Variants in ZNF618 observed in about 807,000 individuals in gnomAD.
ZNF618 encodes zinc finger protein 618.
In ZNF618, 34 loss-of-function variants were observed where a neutral mutation model predicts 103.0. That is an observed-to-expected ratio of 0.33 (90% CI 0.25 to 0.44). ZNF618 has a LOEUF of 0.44. Ranked by LOEUF, ZNF618 falls within the 20% of genes least tolerant of loss-of-function variation. The probability of loss-of-function intolerance (pLI) is 1.00; values close to 1 mark genes in which losing one functional copy is unlikely to be tolerated. For missense variants in ZNF618, 1,059 were observed against 1,295.4 expected (o/e 0.82, Z 2.80); for synonymous variants, 551 against 542.2 (o/e 1.02, Z -0.23).
intron 1 of ZNF618, among the ~76,000 whole-genome samples, chr9:113,898,145 GCTT>G (rs1195888796): frequency 1.3e-5 from 2 of 152,122 alleles, no homozygotes; most frequent in African/African-American, 4.8e-5. Flanking sequence ...CATTCCTAGA[GCTT>G]CTCTTTCTGT....
chr9:113,880,851 G>A (rs1214918631), intron 1 of ZNF618, among the ~76,000 whole-genome samples: 1 of 152,180 alleles, frequency 6.6e-6, no homozygotes, highest in African/African-American at 2.4e-5. Flanking sequence ...ATGATGTGCT[G>A]CAGGTATACT....
At chr9:114,003,641 G>A (rs1456587251) in intron 6 of ZNF618, among the ~76,000 whole-genome samples, 1 of 152,226 alleles carries the variant, frequency 6.6e-6, no homozygotes, top group African/African-American at 2.4e-5. Flanking sequence ...TAGAGAAAGG[G>A]CAAAAGCAGC....
At chr9:113,915,736 G>A (rs1832009826) in intron 1 of ZNF618, among the ~76,000 whole-genome samples, 1 of 152,006 alleles carries the variant, frequency 6.6e-6, no homozygotes, top group African/African-American at 2.4e-5. Context: ...AAAGGAGGGA[G>A]GGATAGAGAG....
chr9:113,910,140 C>T (rs771992946), intron 1 of ZNF618, among the ~76,000 whole-genome samples: 1 of 152,068 alleles, frequency 6.6e-6, no homozygotes, highest in Non-Finnish European at 1.5e-5. Flanking sequence ...CCCTGCTATA[C>T]TAAATGGCTC....
intron 11 of ZNF618, among the ~76,000 whole-genome samples, chr9:114,029,492 C>T (rs1843810735): frequency 6.6e-6 from 1 of 152,184 alleles, no homozygotes; most frequent in Non-Finnish European, 1.5e-5. Context: ...CTCCCCAACA[C>T]AATGGCCATG....
At chr9:113,988,206 G>A (rs958718513) in intron 2 of ZNF618, 115 bp from the exon 3 acceptor site, 3 of 1,379,280 alleles carry the variant, frequency 2.2e-6, no homozygotes, top group Non-Finnish European at 2.9e-6. Context: ...GGGGGCCGGG[G>A]GCCCTAGAAT....
intron 1 of ZNF618, among the ~76,000 whole-genome samples, chr9:113,931,002 C>G (rs1163812654): frequency 6.6e-6 from 1 of 152,136 alleles, no homozygotes; most frequent in Non-Finnish European, 1.5e-5. Flanking sequence ...GGGGGAAATA[C>G]TGAAATTTAC....
chr9:113,979,353 G>A (rs1339108348), intron 2 of ZNF618, among the ~76,000 whole-genome samples: 2 of 152,202 alleles, frequency 1.3e-5, no homozygotes, highest in Non-Finnish European at 2.9e-5. Context: ...CCAGGCTGCT[G>A]TATCTTGGCA....
At chr9:113,929,033 A>C (rs1833343494) in intron 1 of ZNF618, among the ~76,000 whole-genome samples, 1 of 152,172 alleles carries the variant, frequency 6.6e-6, no homozygotes, top group Admixed American at 6.5e-5. Context: ...GCTATTTCAG[A>C]ATGATCACTT....
At chr9:113,940,858 C>T (rs980361014) in intron 1 of ZNF618, among the ~76,000 whole-genome samples, 5 of 152,082 alleles carry the variant, frequency 3.3e-5, no homozygotes, top group Admixed American at 1.3e-4. Context: ...CTGTGCCCCC[C>T]AATTTGTGAT....
chr9:113,988,526 G>T lies in ZNF618; in HGVS notation c.283G>T (p.Val95Leu), dbSNP rs201855820. ...GGTCAGCAAGGATGGGACCAGCGACGTGCCTGCCGAGATCTGCGTGGTGAT... is the reference window on the plus strand; with the variant it reads ...GGTCAGCAAGGATGGGACCAGCGACTTGCCTGCCGAGATCTGCGTGGTGAT... Reference protein sequence around the residue: ...KAVSKDGTSDVPAEICVVIGG... With the variant: ...KAVSKDGTSDLPAEICVVIGG... Residue 95 changes from valine to leucine, a missense_variant, in exon 3 of 15, where the codon GTG (valine) becomes TTG (leucine). Coordinates refer to ENST00000374126, the MANE Select transcript of ZNF618 (RefSeq NM_001318042.2). 75 of 1,612,310 alleles carry T rather than the reference G, an allele frequency of 4.7e-5. No homozygotes were observed. The highest frequency in any genetic ancestry group is 6.3e-5 in the Non-Finnish European group (74 of 1,179,754).
intron 1 of ZNF618, among the ~76,000 whole-genome samples, chr9:113,913,781 A>G (rs1042447967): frequency 6.6e-6 from 1 of 152,216 alleles, no homozygotes; most frequent in Non-Finnish European, 1.5e-5. Context: ...GTTTGAGGGT[A>G]GACTTAATGA....
intron 1 of ZNF618, among the ~76,000 whole-genome samples, chr9:113,909,733 G>T (rs988389641): frequency 2.0e-5 from 3 of 151,990 alleles, no homozygotes; most frequent in Non-Finnish European, 4.4e-5. Context: ...CTTGCATGCG[G>T]ATGCTCCCAT....
intron 1 of ZNF618, among the ~76,000 whole-genome samples, chr9:113,917,468 G>A (rs1235076714): frequency 1.3e-5 from 2 of 150,906 alleles, no homozygotes; most frequent in Non-Finnish European, 3.0e-5. Flanking sequence ...TGGCCAGGCT[G>A]GTCTTGAACT....
intron 1 of ZNF618, among the ~76,000 whole-genome samples, chr9:113,888,380 C>A (rs557850758): frequency 6.6e-6 from 1 of 152,260 alleles, no homozygotes; most frequent in Admixed American, 6.5e-5. Flanking sequence ...CCCCCAGCTC[C>A]CCATGAGCCT....
At chr9:113,892,930 G>T (rs1020447829) in intron 1 of ZNF618, among the ~76,000 whole-genome samples, 1 of 152,152 alleles carries the variant, frequency 6.6e-6, no homozygotes, top group Admixed American at 6.5e-5. Context: ...TGGACTGTCT[G>T]TTGTGTTCTC....
At chr9:113,981,903 TTC>T (rs1839011923) in intron 2 of ZNF618, among the ~76,000 whole-genome samples, 1 of 152,320 alleles carries the variant, frequency 6.6e-6, no homozygotes, top group East Asian at 1.9e-4. Flanking sequence ...CCGGGCCCCG[TTC>T]TGTGCCTTGG....
intron 1 of ZNF618, among the ~76,000 whole-genome samples, chr9:113,962,781 C>T (rs1435843747): frequency 2.6e-5 from 4 of 152,164 alleles, no homozygotes; most frequent in African/African-American, 7.2e-5. Flanking sequence ...TCCTGACCAC[C>T]CTATCCTTCC....
rs1436861934 is a variant in ZNF618 at position 114,054,716 on chromosome 9, G to A, written c.*4549G>A. 1 of 152,696 alleles carries A rather than the reference G, an allele frequency of 6.5e-6. No individual in the cohort carries two copies. The highest frequency in any genetic ancestry group is 1.5e-5 in the Non-Finnish European group (1 of 68,100). 9.5% of individuals were successfully genotyped at this position (152,696 alleles called of 1,614,324 possible). A position where few individuals can be genotyped will look rare whatever the true frequency, so the allele number is the denominator to read the frequency against. ...ATGATACAGTGTTTTCCCTCTTAAC[G>A]TTCCCCTCCTGGTTTTGCCTTTTCA... is the stretch of plus-strand genomic sequence containing the variant. On this transcript the variant is annotated 3_prime_UTR_variant, in exon 15 of 15. Coordinates refer to ENST00000374126, the MANE Select transcript of ZNF618 (RefSeq NM_001318042.2).
Sources: gnomAD v4.1 joint callset for allele counts (sites outside exome capture counted in the v4.1 genomes callset) on GRCh38, gnomAD v4.1.1 for gene constraint, MANE v1.5 for transcripts, NCBI Gene and HGNC (gene_info 2026-07-23, HGNC 2026-07-21) for gene names.